Variants in PDCD10 observed in about 807,000 individuals in gnomAD.
PDCD10 encodes the protein programmed cell death 10, also known as programmed cell death protein 10.
Under a neutral mutation model 29.2 loss-of-function variants are expected in PDCD10, and 4 were observed. That is an observed-to-expected ratio of 0.14 (90% confidence interval 0.07 to 0.31). PDCD10 has a LOEUF of 0.31. PDCD10 is among the 10% of genes least tolerant of loss of function. The pLI, the probability that PDCD10 is intolerant of heterozygous loss-of-function variation, is 1.00. For missense variants in PDCD10, 183 were observed against 257.9 expected (o/e 0.71, Z 1.99); for synonymous variants, 70 against 82.2 (o/e 0.85, Z 0.80).
chr3:167,702,270 C>A lies in PDCD10; in HGVS notation c.150+2572G>T, dbSNP rs191172432. ...GCTAGCAAGACCAACCCCTTCTCTTCTTCCTCCTCCTCAGCGTATTCAATG... is the reference window on the plus strand; with the variant it reads ...GCTAGCAAGACCAACCCCTTCTCTTATTCCTCCTCCTCAGCGTATTCAATG... On this transcript the variant is annotated intron_variant, in intron 4 of 8. Coordinates refer to ENST00000392750, the MANE Select transcript of PDCD10 (RefSeq NM_007217.4). Among the ~76,000 whole-genome samples, 4 of 152,332 alleles carry A rather than the reference C, an allele frequency of 2.6e-5. No individual in the cohort carries two copies. The East Asian group carries it at 5.8e-4, about 22-fold the overall frequency.
intron 3 of PDCD10, among the ~76,000 whole-genome samples, chr3:167,710,852 G>C (rs114024258): frequency 6.6e-6 from 1 of 152,216 alleles, no homozygotes; most frequent in Non-Finnish European, 1.5e-5. Context: ...AGCACAGAGA[G>C]ACAGAAAGAA....
chr3:167,699,731 A>G (rs1327600581), intron 4 of PDCD10, among the ~76,000 whole-genome samples: 1 of 152,192 alleles, frequency 6.6e-6, no homozygotes, highest in African/African-American at 2.4e-5. Context: ...ACCTATCGGA[A>G]CCTCTCATAG....
chr3:167,733,726 G>A (rs1439111532), intron 2 of PDCD10, among the ~76,000 whole-genome samples: 2 of 152,170 alleles, frequency 1.3e-5, no homozygotes, highest in South Asian at 4.1e-4. Context: ...TTTACAAAAT[G>A]AGAGTAAAAA....
At chr3:167,699,877 GA>G (rs945323278) in intron 4 of PDCD10, among the ~76,000 whole-genome samples, 2 of 151,758 alleles carry the variant, frequency 1.3e-5, no homozygotes, top group African/African-American at 4.8e-5. Flanking sequence ...GCAACAATTT[GA>G]AAAAACTTAT....
intron 2 of PDCD10, 98 bp from the exon 3 acceptor site, chr3:167,720,371 T>A: frequency 1.9e-6 from 1 of 526,190 alleles, no homozygotes; most frequent in South Asian, 2.2e-5. Context: ...TCCTATTTTA[T>A]GAAAAGCTAT....
Position 167,704,873 on chromosome 3 carries a change from G to A in PDCD10, c.119C>T (p.Ala40Val), listed in dbSNP as rs1373187308. 6.2e-7 allele frequency: 1 copy of A among 1,607,336 alleles called. No homozygotes were observed. ...FNELERVNLS[A>V]AQTLRAAFIK... ...GAAAGCGGCTCTCAGTGTCTGGGCT[G>A]CAGACAGATTTACTCGTTCTAGCTG... Residue 40 changes from alanine (A) to valine (V), a missense_variant, in exon 4 of 9, where the codon GCA (alanine) becomes GTA (valine). Ala to Val is a moderately conservative substitution (Grantham distance 64). Transcript: ENST00000392750.
chr3:167,717,721 A>G (rs1200392441), intron 3 of PDCD10, among the ~76,000 whole-genome samples: 1 of 152,050 alleles, frequency 6.6e-6, no homozygotes, highest in Non-Finnish European at 1.5e-5. Context: ...TCTCCATATC[A>G]AAGAGGAAAC....
At chr3:167,711,835 C>T (rs1026940122) in intron 3 of PDCD10, among the ~76,000 whole-genome samples, 4 of 152,028 alleles carry the variant, frequency 2.6e-5, no homozygotes, top group Non-Finnish European at 5.9e-5. Flanking sequence ...TCAGTGGAAA[C>T]CTTACAGGCC....
At chr3:167,727,675 G>T (rs1480125989) in intron 2 of PDCD10, among the ~76,000 whole-genome samples, 1 of 152,026 alleles carries the variant, frequency 6.6e-6, no homozygotes, top group Non-Finnish European at 1.5e-5. Flanking sequence ...AGAGTGTTAG[G>T]TCCTCTCTGC....
At chr3:167,733,566 G>A (rs892550760) in intron 2 of PDCD10, among the ~76,000 whole-genome samples, 2 of 152,080 alleles carry the variant, frequency 1.3e-5, no homozygotes, top group African/African-American at 2.4e-5. Flanking sequence ...GAAAATGGGG[G>A]AAAAGTAAAG....
chr3:167,684,098 A>G lies in PDCD10; in HGVS notation c.*210T>C. ...TTATAATTCTTAAAAGAATGATAATAGCAAAAGTGATGCAAAATCTTCAGT... is the reference window on the plus strand; with the variant it reads ...TTATAATTCTTAAAAGAATGATAATGGCAAAAGTGATGCAAAATCTTCAGT... On this transcript the variant is annotated 3_prime_UTR_variant, in exon 9 of 9. Transcript: ENST00000392750. 4.2e-6 allele frequency: 2 copies of G among 478,858 alleles called. No individual in the cohort carries two copies. The highest frequency in any genetic ancestry group is 7.6e-6 in the Non-Finnish European group (2 of 262,742). The allele number at this position is 478,858 out of a possible 1,614,324, so 29.7% of individuals were successfully genotyped here. A position where few individuals can be genotyped will look rare whatever the true frequency, so the allele number is the denominator to read the frequency against.
intron 3 of PDCD10, among the ~76,000 whole-genome samples, chr3:167,706,549 A>T (rs1357215151): frequency 7.6e-6 from 1 of 130,824 alleles, no homozygotes; most frequent in African/African-American, 3.7e-5. Context: ...ATGTAAACAT[A>T]AAAGAGGTAA....
chr3:167,714,022 A>G (rs1484423814), intron 3 of PDCD10, among the ~76,000 whole-genome samples: 1 of 152,088 alleles, frequency 6.6e-6, no homozygotes, highest in Non-Finnish European at 1.5e-5. Flanking sequence ...AAAATAGAGG[A>G]GGCGGGAATA....
chr3:167,705,051 T>C (rs987935474), intron 3 of PDCD10, among the ~76,000 whole-genome samples, 156 bp from the exon 4 acceptor site: 5 of 152,164 alleles, frequency 3.3e-5, no homozygotes, highest in Non-Finnish European at 7.4e-5. Flanking sequence ...AATTAGGCTA[T>C]CAAAATTTTC....
At chr3:167,725,766 TATATATATA>T (rs1559978637) in intron 2 of PDCD10, among the ~76,000 whole-genome samples, 6 of 6,436 alleles carry the variant, frequency 9.3e-4, no homozygotes, top group African/African-American at 4.4e-3. Context: ...GTATCGTTTA[TATATATATA>T]TATATATATA....
At chr3:167,724,717 C>G (rs1723914487) in intron 2 of PDCD10, among the ~76,000 whole-genome samples, 1 of 152,124 alleles carries the variant, frequency 6.6e-6, no homozygotes, top group Non-Finnish European at 1.5e-5. Flanking sequence ...ATTAACAAAG[C>G]CTGGACCCAG....
rs76946526 is a variant in PDCD10 at position 167,699,239 on chromosome 3, A to T, written c.151-2113T>A. Among the ~76,000 whole-genome samples, 1,433 of 152,260 alleles carry T rather than the reference A, an allele frequency of 9.4e-3. 31 individuals are homozygous for T. In the East Asian group the frequency reaches 0.097, roughly 10 times the overall value. On this transcript the variant is annotated intron_variant, in intron 4 of 8. Transcript: ENST00000392750. ...TCTGTTAGATCATAGCACTGGCCAAAAAGTCCAGCTTCTCAATGATCTAAC... is the reference window on the plus strand; with the variant it reads ...TCTGTTAGATCATAGCACTGGCCAATAAGTCCAGCTTCTCAATGATCTAAC...
intron 3 of PDCD10, among the ~76,000 whole-genome samples, chr3:167,707,822 G>A (rs967074952): frequency 6.6e-6 from 1 of 152,172 alleles, no homozygotes; most frequent in Non-Finnish European, 1.5e-5. Flanking sequence ...TGGATACTGC[G>A]ACAGTGAGAA....
intron 4 of PDCD10, among the ~76,000 whole-genome samples, chr3:167,702,220 CCTT>C (rs1419011742): frequency 3.3e-5 from 5 of 152,144 alleles, no homozygotes; most frequent in African/African-American, 1.2e-4. Flanking sequence ...TCCCCATTCA[CCTT>C]CTCTACTTCT....
Sources: allele counts gnomAD v4.1 joint callset (sites outside exome capture counted in the v4.1 genomes callset), GRCh38; gene constraint gnomAD v4.1.1; transcripts MANE v1.5; gene names NCBI Gene and HGNC (gene_info 2026-07-23, HGNC 2026-07-21).